SH3GL1: variants seen among roughly 807,000 people sequenced by gnomAD.
SH3GL1 encodes SH3 domain containing GRB2 like 1, endophilin A2, also known as endophilin-A2.
In SH3GL1, 21 loss-of-function variants were observed where a neutral mutation model predicts 48.8. That is an observed-to-expected ratio of 0.43 (90% CI 0.30 to 0.62). SH3GL1 has a LOEUF of 0.62. SH3GL1 is among the 20% of genes least tolerant of loss of function. The pLI is 0.11. For synonymous variants in SH3GL1, 282 were observed against 217.5 expected (o/e 1.30, Z -2.61); for missense variants, 454 against 503.0 (o/e 0.90, Z 0.93).
chr19:4,390,944 C>G (rs1973326976), intron 1 of SH3GL1, among the ~76,000 whole-genome samples: 1 of 152,172 alleles, frequency 6.6e-6, no homozygotes. Context: ...CGACGTTTCC[C>G]CAGATCAGAT....
At chr19:4,398,080 C>T (rs755432974) in intron 1 of SH3GL1, among the ~76,000 whole-genome samples, 33 of 151,960 alleles carry the variant, frequency 2.2e-4, no homozygotes, top group Non-Finnish European at 4.7e-4. Flanking sequence ...CTCCTGAACT[C>T]AAGGGAACCC....
chr19:4,395,015 C>T (rs371918266), intron 1 of SH3GL1, among the ~76,000 whole-genome samples: 2 of 152,266 alleles, frequency 1.3e-5, no homozygotes, highest in Non-Finnish European at 2.9e-5. Flanking sequence ...CGCTGATGGG[C>T]GCGTGCCCCT....
intron 1 of SH3GL1, among the ~76,000 whole-genome samples, chr19:4,377,850 C>T (rs1264043029): frequency 6.6e-6 from 1 of 152,248 alleles, no homozygotes; most frequent in Non-Finnish European, 1.5e-5. Context: ...CGAGTCCCCC[C>T]ACCATCTCCC....
In SH3GL1 at chr19:4,363,081, C is replaced by G. The variant is rs1210394083; in HGVS notation, c.728+289G>C. Among the ~76,000 whole-genome samples the G allele has an allele frequency of 4.6e-5, 7 of 152,222 alleles. No individual in the cohort carries two copies. The East Asian group carries it at 1.3e-3, about 29-fold the overall frequency. On this transcript the variant is annotated intron_variant, in intron 7 of 9. Transcript: ENST00000269886. ...AAGGCCCCTGAAGCAGGTCTGGCCT[C>G]TGCATTCAGGGAGGGGAGCCTGGGT...
chr19:4,394,095 C>G (rs1472065270), intron 1 of SH3GL1, among the ~76,000 whole-genome samples: 1 of 129,172 alleles, frequency 7.7e-6, no homozygotes, highest in South Asian at 2.7e-4. Context: ...TCTTTCCATT[C>G]AAATGTTCAA....
At chr19:4,387,819 G>T (rs1392117956) in intron 1 of SH3GL1, among the ~76,000 whole-genome samples, 1 of 152,168 alleles carries the variant, frequency 6.6e-6, no homozygotes, top group Admixed American at 6.5e-5. Flanking sequence ...GAGTAGCGGG[G>T]ATTACAGATA....
At chr19:4,364,404 G>A in intron 4 of SH3GL1, 183 bp from the exon 5 acceptor site, 3 of 677,330 alleles carry the variant, frequency 4.4e-6, no homozygotes, top group South Asian at 1.8e-5. Context: ...CAAGTAGCCG[G>A]GACCACAGGC....
intron 1 of SH3GL1, among the ~76,000 whole-genome samples, chr19:4,383,999 G>T (rs1350643138): frequency 6.6e-6 from 1 of 152,236 alleles, no homozygotes; most frequent in East Asian, 1.9e-4. Flanking sequence ...CAAAAGGAAT[G>T]ATTTGGGGCT....
chr19:4,361,837 C>G, intron 9 of SH3GL1, 41 bp from the exon 10 acceptor site: 1 of 1,418,986 alleles, frequency 7.0e-7, no homozygotes, highest in South Asian at 1.2e-5. Context: ...GCTGCTACGC[C>G]TCACCCCGCC....
At chr19:4,399,074 T>C (rs1256545611) in intron 1 of SH3GL1, among the ~76,000 whole-genome samples, 2 of 151,982 alleles carry the variant, frequency 1.3e-5, no homozygotes, top group African/African-American at 4.8e-5. Flanking sequence ...AATCCCAGCA[T>C]GTTGGGAAGC....
chr19:4,394,171 C>G (rs1225321706), intron 1 of SH3GL1, among the ~76,000 whole-genome samples: 7 of 150,722 alleles, frequency 4.6e-5, no homozygotes, highest in African/African-American at 1.7e-4. Context: ...CAGCTGCCAG[C>G]TCTACCCCTA....
At chr19:4,385,259 G>A (rs1973215455) in intron 1 of SH3GL1, among the ~76,000 whole-genome samples, 1 of 152,194 alleles carries the variant, frequency 6.6e-6, no homozygotes, top group Non-Finnish European at 1.5e-5. Context: ...TTGGGATGGG[G>A]TGGGGGCACC....
At position 4,385,707 on chromosome 19, in the gene SH3GL1, G is replaced by A. The variant is rs566427486; in HGVS notation, c.45+14617C>T. ...GGCACAGAGTGCTCTGGGGCTAGCCGGGGAGGCTGCTGTGGGAAGGCTGGG... is the reference window on the plus strand; with the variant it reads ...GGCACAGAGTGCTCTGGGGCTAGCCAGGGAGGCTGCTGTGGGAAGGCTGGG... On this transcript the variant is annotated intron_variant, in intron 1 of 9. Transcript: ENST00000269886. Among the ~76,000 whole-genome samples, 417 of 152,318 alleles carry A rather than the reference G, an allele frequency of 2.7e-3. 2 individuals carry two copies. The highest frequency in any genetic ancestry group is 4.2e-3 in the Non-Finnish European group (285 of 68,012).
At chr19:4,363,525 C>G (rs760735131) in intron 6 of SH3GL1, 52 bp from the exon 7 acceptor site, 3 of 1,550,184 alleles carry the variant, frequency 1.9e-6, no homozygotes, top group East Asian at 4.6e-5. Flanking sequence ...TGTCCTGTGC[C>G]TTCCCTGACT....
In SH3GL1 at chr19:4,364,338, A is replaced by G. The variant is rs183411530; in HGVS notation, c.332-117T>C. 2.0e-4 allele frequency: 266 copies of G among 1,337,136 alleles called. No homozygotes were observed. In the African/African-American group the frequency reaches 3.4e-3, roughly 17 times the overall value. 82.8% of individuals were successfully genotyped at this position (1,337,136 alleles called of 1,614,324 possible). ...ACAGGCTGGAACGCAGTGGCGCTGT[A>G]CCAGCTCACTGCAGGCCTCAAACTG... On this transcript the variant is annotated intron_variant, in intron 4 of 9. Coordinates refer to ENST00000269886, the MANE Select transcript of SH3GL1 (RefSeq NM_003025.4).
chr19:4,370,906 A>G (rs893253754), intron 1 of SH3GL1, among the ~76,000 whole-genome samples: 1 of 152,248 alleles, frequency 6.6e-6, no homozygotes, highest in African/African-American at 2.4e-5. Context: ...GTTTGGCAAG[A>G]CTGGCTTGTG....
At chr19:4,371,430 G>T (rs1309441854) in intron 1 of SH3GL1, among the ~76,000 whole-genome samples, 1 of 152,250 alleles carries the variant, frequency 6.6e-6, no homozygotes, top group South Asian at 2.1e-4. Flanking sequence ...TGCTGCCGAT[G>T]GGCGGCCTTG....
chr19:4,394,200 C>T (rs189140597), intron 1 of SH3GL1, among the ~76,000 whole-genome samples: 5 of 150,600 alleles, frequency 3.3e-5, no homozygotes, highest in Admixed American at 1.3e-4. Flanking sequence ...CTCAATCTCA[C>T]ACAGCCCGGC....
chr19:4,396,922 G>A (rs1973436425), intron 1 of SH3GL1, among the ~76,000 whole-genome samples: 2 of 152,098 alleles, frequency 1.3e-5, no homozygotes. Flanking sequence ...GTGTAAAAGG[G>A]GGAATGTTTT....
Sources: gnomAD v4.1 joint callset for allele counts (sites outside exome capture counted in the v4.1 genomes callset) on GRCh38, gnomAD v4.1.1 for gene constraint, MANE v1.5 for transcripts, NCBI Gene and HGNC (gene_info 2026-07-23, HGNC 2026-07-21) for gene names.